The following PTPRN2 variants were observed in gnomAD, a reference collection of about 807,000 sequenced individuals.
PTPRN2 encodes the protein protein tyrosine phosphatase receptor type N2.
In PTPRN2, 74 loss-of-function variants were observed where a neutral mutation model predicts 118.8. The observed-to-expected ratio is 0.62, with a 90% confidence interval of 0.52 to 0.76. The LOEUF is 0.76. Among genes scored for constraint, PTPRN2 ranks in the 30% least tolerant of loss-of-function variants. The probability of loss-of-function intolerance (pLI) is 0.00; values close to 1 mark genes in which losing one functional copy is unlikely to be tolerated. For synonymous variants in PTPRN2, 641 were observed against 608.0 expected (o/e 1.05, Z -0.80); for missense variants, 1,481 against 1,394.4 (o/e 1.06, Z -0.99).
At chr7:158,476,467 CT>C (rs1820272352) in intron 2 of PTPRN2, among the ~76,000 whole-genome samples, 1 of 152,270 alleles carries the variant, frequency 6.6e-6, no homozygotes, top group African/African-American at 2.4e-5. Context: ...ACATGAATGA[CT>C]GTAAGTCACC....
At chr7:158,040,270 G>A (rs1444299838) in intron 11 of PTPRN2, among the ~76,000 whole-genome samples, 1 of 151,950 alleles carries the variant, frequency 6.6e-6, no homozygotes, top group Non-Finnish European at 1.5e-5. Flanking sequence ...GAAACTCAGA[G>A]AACACCAAGA....
chr7:158,090,340 C>A (rs1179477364), intron 10 of PTPRN2, among the ~76,000 whole-genome samples: 2 of 152,202 alleles, frequency 1.3e-5, no homozygotes, highest in Non-Finnish European at 2.9e-5. Context: ...CCCAATTGGG[C>A]TGGAAATAAC....
chr7:157,636,879 G>T (rs1360746076), intron 14 of PTPRN2, among the ~76,000 whole-genome samples: 1 of 152,182 alleles, frequency 6.6e-6, no homozygotes, highest in African/African-American at 2.4e-5. Context: ...TTTAACTATA[G>T]ATAGTTTAAC....
chr7:157,696,382 C>A (rs1336920894), intron 12 of PTPRN2, among the ~76,000 whole-genome samples: 26 of 134,540 alleles, frequency 1.9e-4, no homozygotes, highest in African/African-American at 5.9e-4. Context: ...AGAGCCCTCA[C>A]CATCTACCCA....
intron 11 of PTPRN2, among the ~76,000 whole-genome samples, chr7:157,910,326 A>G (rs1308497222): frequency 6.7e-6 from 1 of 150,150 alleles, no homozygotes. Flanking sequence ...GTCCAGGATC[A>G]CGCACGTACG....
chr7:158,199,429 C>A (rs190228520), intron 4 of PTPRN2, among the ~76,000 whole-genome samples: 131 of 152,328 alleles, frequency 8.6e-4, no homozygotes, highest in South Asian at 1.9e-3. Context: ...AGAGAAGAAC[C>A]AGCAGGAGAA....
intron 5 of PTPRN2, among the ~76,000 whole-genome samples, chr7:158,177,043 T>C (rs1418694351): frequency 6.6e-6 from 1 of 152,216 alleles, no homozygotes; most frequent in African/African-American, 2.4e-5. Flanking sequence ...GGGGCTGTTC[T>C]GGATAGAGCC....
intron 13 of PTPRN2, among the ~76,000 whole-genome samples, chr7:157,668,735 C>T (rs951852329): frequency 6.6e-5 from 10 of 152,144 alleles, no homozygotes; most frequent in Admixed American, 2.0e-4. Context: ...AAAAAGCCTG[C>T]GCTCTGTCAG....
intron 10 of PTPRN2, among the ~76,000 whole-genome samples, chr7:158,097,435 T>C (rs1814721116): frequency 6.6e-6 from 1 of 152,186 alleles, no homozygotes; most frequent in African/African-American, 2.4e-5. Context: ...TAAACGCTTC[T>C]CCCACCAGGA....
intron 6 of PTPRN2, among the ~76,000 whole-genome samples, chr7:158,148,419 C>A (rs867876536): frequency 5.7e-5 from 6 of 105,640 alleles, no homozygotes; most frequent in Admixed American, 4.0e-4. Context: ...TCTCACGCCA[C>A]GTGTCTTTCC....
In PTPRN2 at chr7:158,093,641, A is replaced by G. The variant is rs893447985; in HGVS notation, c.1644-12264T>C. Reference sequence around the variant, plus strand: ...CCTCATTCCAGCTATGTCTTCTTACAGAGGAGACATCGGGAACATAAAACT... The same window carrying G: ...CCTCATTCCAGCTATGTCTTCTTACGGAGGAGACATCGGGAACATAAAACT... On this transcript the variant is annotated intron_variant, in intron 10 of 22. Coordinates refer to ENST00000389418, the MANE Select transcript of PTPRN2 (RefSeq NM_002847.5). The surrounding 1 kb of genome is among the most constrained non-coding windows in gnomAD (Gnocchi z 4.4). Among the ~76,000 whole-genome samples the G allele has an allele frequency of 9.9e-5, 15 of 152,216 alleles. No individual in the cohort carries two copies. The highest frequency in any genetic ancestry group is 3.6e-4 in the African/African-American group (15 of 41,464).
intron 12 of PTPRN2, among the ~76,000 whole-genome samples, chr7:157,750,908 C>T (rs921976242): frequency 6.6e-6 from 1 of 152,236 alleles, no homozygotes; most frequent in African/African-American, 2.4e-5. Context: ...GCCAGCTCGG[C>T]ACCATCGGCC....
intron 2 of PTPRN2, among the ~76,000 whole-genome samples, chr7:158,475,181 T>C (rs1373996264): frequency 1.7e-5 from 2 of 115,494 alleles, no homozygotes; most frequent in African/African-American, 3.3e-5. Flanking sequence ...AGCAACAAGC[T>C]CCCAGAGGAG....
At chr7:158,281,820 A>C (rs1799447695) in intron 3 of PTPRN2, among the ~76,000 whole-genome samples, 1 of 152,238 alleles carries the variant, frequency 6.6e-6, no homozygotes, top group Non-Finnish European at 1.5e-5. Context: ...CCATGGGTAA[A>C]GCCAGAATAA....
At position 157,763,071 on chromosome 7, in the gene PTPRN2, C is replaced by T. The variant is rs111777002; in HGVS notation, c.1789-80134G>A. Among the ~76,000 whole-genome samples, 11,137 of 151,918 alleles carry T rather than the reference C, an allele frequency of 0.073. 503 individuals carry two copies. The highest frequency in any genetic ancestry group is 0.11 in the African/African-American group (4,674 of 41,366). On this transcript the variant is annotated intron_variant, in intron 12 of 22. Transcript: ENST00000389418. This position sits in a 1 kb window ranked among gnomAD's most constrained non-coding sequence, Gnocchi z 4.9. ...CTAACCCTCCATCAGAGCCCACGGCCGCCCACTCATGGTCACAGAGCTAAC... is the reference window on the plus strand; with the variant it reads ...CTAACCCTCCATCAGAGCCCACGGCTGCCCACTCATGGTCACAGAGCTAAC...
intron 3 of PTPRN2, among the ~76,000 whole-genome samples, chr7:158,306,477 C>A (rs1345694586): frequency 6.6e-6 from 1 of 152,182 alleles, no homozygotes; most frequent in African/African-American, 2.4e-5. Flanking sequence ...TCACACAGAA[C>A]CCTCAGCAGA....
chr7:157,699,920 C>A (rs1797986182), intron 12 of PTPRN2, among the ~76,000 whole-genome samples: 1 of 152,190 alleles, frequency 6.6e-6, no homozygotes, highest in Non-Finnish European at 1.5e-5. Flanking sequence ...GGCACATTAG[C>A]ATATAATCTG....
chr7:157,873,447 C>A (rs1811239829), intron 12 of PTPRN2, among the ~76,000 whole-genome samples: 1 of 152,040 alleles, frequency 6.6e-6, no homozygotes, highest in Non-Finnish European at 1.5e-5. Flanking sequence ...TCTGCAAGGT[C>A]CGTCTCGCCG....
intron 11 of PTPRN2, among the ~76,000 whole-genome samples, chr7:157,942,820 C>T (rs765425243): frequency 1.2e-4 from 19 of 152,176 alleles, no homozygotes; most frequent in Non-Finnish European, 2.2e-4. Context: ...GGGGCTCAAC[C>T]TTGTCCTTCC....
Sources: gnomAD v4.1 joint callset for allele counts (sites outside exome capture counted in the v4.1 genomes callset) on GRCh38, gnomAD v4.1.1 for gene constraint, Gnocchi (gnomAD v3.1) non-coding constraint, MANE v1.5 for transcripts, NCBI Gene and HGNC (gene_info 2026-07-23, HGNC 2026-07-21) for gene names.